The following ANOS1 variants were observed in gnomAD, a reference collection of about 807,000 sequenced individuals.
ANOS1 encodes anosmin 1.
ANOS1 carries 6 observed loss-of-function variants against 59.0 expected under a neutral mutation model. The ratio of observed to expected loss-of-function variants is 0.10; its 90% confidence interval spans 0.06 to 0.20. The LOEUF is 0.20. Ranked by LOEUF, ANOS1 falls within the 10% of genes least tolerant of loss-of-function variation. The probability of loss-of-function intolerance (pLI) is 1.00; values close to 1 mark genes in which losing one functional copy is unlikely to be tolerated. For missense variants in ANOS1, 433 were observed against 542.3 expected, an observed-to-expected ratio of 0.80 and a Z score of 2.00; for synonymous variants, 217 against 223.4, an observed-to-expected ratio of 0.97 and a Z score of 0.25.
chrX:8,691,169 G>A (rs776141114), intron 2 of ANOS1, among the ~76,000 whole-genome samples: 55 of 108,830 alleles, frequency 5.1e-4, no homozygotes, highest in African/African-American at 1.6e-3. Flanking sequence ...CACCTCCTGG[G>A]TTCAAGTGAT....
chrX:8,653,430 G>A (rs186890469), intron 2 of ANOS1, among the ~76,000 whole-genome samples: 94 of 110,886 alleles, frequency 8.5e-4, no homozygotes, highest in Non-Finnish European at 1.4e-3. Flanking sequence ...GTGGATTCTT[G>A]TTATCTACTC....
At chrX:8,644,577 T>C (rs1053338182) in intron 2 of ANOS1, among the ~76,000 whole-genome samples, 4 of 112,221 alleles carry the variant, frequency 3.6e-5, no homozygotes, top group African/African-American at 1.3e-4. Context: ...TTGCATTCTG[T>C]AGAGAATCGC....
intron 12 of ANOS1, 46 bp from the exon 13 acceptor site, chrX:8,534,506 A>C (rs755016642): frequency 1.5e-5 from 18 of 1,167,738 alleles, no homozygotes; most frequent in Non-Finnish European, 2.1e-5. Flanking sequence ...AACCTTTCAG[A>C]GACAACATGC....
At chrX:8,707,952 A>C (rs1932789151) in intron 1 of ANOS1, among the ~76,000 whole-genome samples, 1 of 112,753 alleles carries the variant, frequency 8.9e-6, no homozygotes, top group Non-Finnish European at 1.9e-5. Flanking sequence ...CTGGCCAGGC[A>C]TGGTGGCACA....
At chrX:8,561,310 T>A (rs1407350996) in intron 8 of ANOS1, among the ~76,000 whole-genome samples, 1 of 110,654 alleles carries the variant, frequency 9.0e-6, no homozygotes, top group African/African-American at 3.3e-5. Flanking sequence ...TTTATTTTAA[T>A]TTTTTTTGAG....
chrX:8,730,940 CG>C (rs1460722897), intron 1 of ANOS1, among the ~76,000 whole-genome samples: 1 of 111,994 alleles, frequency 8.9e-6, no homozygotes, highest in Non-Finnish European at 1.9e-5. Flanking sequence ...GCAAGTCCCG[CG>C]GGGGTCCGCG....
intron 1 of ANOS1, among the ~76,000 whole-genome samples, chrX:8,716,501 A>C (rs1932842612): frequency 8.9e-6 from 1 of 112,191 alleles, no homozygotes; most frequent in Admixed American, 9.5e-5. Flanking sequence ...AGTTCACAGC[A>C]TCAGTTTTGA....
chrX:8,629,769 G>A, intron 2 of ANOS1, among the ~76,000 whole-genome samples: 1 of 112,050 alleles, frequency 8.9e-6, no homozygotes, highest in East Asian at 2.8e-4. Context: ...CAGAAGAAAT[G>A]TTCTTACCAA....
intron 2 of ANOS1, among the ~76,000 whole-genome samples, chrX:8,634,616 C>T (rs926046090): frequency 3.6e-5 from 4 of 111,882 alleles, no homozygotes; most frequent in Non-Finnish European, 7.5e-5. Flanking sequence ...AGAGAGCTTG[C>T]AATACCCTGA....
chrX:8,710,268 G>A (rs779710409), intron 1 of ANOS1, among the ~76,000 whole-genome samples: 32 of 111,658 alleles, frequency 2.9e-4, no homozygotes, highest in Non-Finnish European at 4.9e-4. Context: ...TTGAAATTCC[G>A]ATTTTATAGT....
chrX:8,535,464 A>C lies in ANOS1; in HGVS notation c.1842+127T>G, dbSNP rs112917758. 3.0e-3 allele frequency: 1,575 copies of C among 529,166 alleles called. 20 individuals carry two copies. The African/African-American group carries it at 0.031, about 11-fold the overall frequency. The allele number at this position is 529,166 out of a possible 1,213,427, so 43.6% of individuals were successfully genotyped here. Reference sequence around the variant, plus strand: ...TGCTTGCAAAAGATACACTCAGAAGAAGAAAATGCAAAAATAAGACTCAAT... The same window carrying C: ...TGCTTGCAAAAGATACACTCAGAAGCAGAAAATGCAAAAATAAGACTCAAT... On this transcript the variant is annotated intron_variant, in intron 12 of 13. Coordinates refer to ENST00000262648, the MANE Select transcript of ANOS1 (RefSeq NM_000216.4).
intron 9 of ANOS1, among the ~76,000 whole-genome samples, chrX:8,550,352 C>A (rs919624758): frequency 2.3e-4 from 26 of 111,451 alleles, no homozygotes; most frequent in African/African-American, 8.5e-4. Flanking sequence ...AAATTTTAAA[C>A]CTGAATACAG....
intron 1 of ANOS1, among the ~76,000 whole-genome samples, chrX:8,701,099 A>AT (rs373429235): frequency 8.7e-4 from 93 of 107,267 alleles, no homozygotes; most frequent in Admixed American, 2.1e-3. Context: ...GATTTTGGTG[A>AT]TTTTTTTTTT....
At chrX:8,599,690 T>C (rs1000564325) in intron 3 of ANOS1, among the ~76,000 whole-genome samples, 1 of 111,906 alleles carries the variant, frequency 8.9e-6, no homozygotes, top group African/African-American at 3.3e-5. Flanking sequence ...CCTGCCAGCA[T>C]GCTGCTGGCT....
chrX:8,533,184 C>G (rs1351592694), intron 13 of ANOS1, 131 bp from the exon 14 acceptor site: 1 of 489,157 alleles, frequency 2.0e-6, no homozygotes, highest in East Asian at 3.7e-5. Context: ...CTTTCCTATT[C>G]TGAATCTGAA....
At chrX:8,630,338 G>A (rs55925333) in intron 2 of ANOS1, among the ~76,000 whole-genome samples, 1,345 of 110,953 alleles carry the variant, frequency 0.012, 7 homozygotes, top group Middle Eastern at 0.033. Flanking sequence ...GGCTGAGGTG[G>A]GAGAATTGCT....
intron 6 of ANOS1, among the ~76,000 whole-genome samples, chrX:8,579,719 CCAGCATGCAGACCAGATACGCTAGGAA>C (rs1392947636): frequency 3.6e-5 from 4 of 111,039 alleles, no homozygotes; most frequent in Non-Finnish European, 7.5e-5. Context: ...GCAAGCTCCG[CCAGCATGCAGACCAGATACGCTAGGAA>C]CAGCTGCAGA....
At chrX:8,554,219 G>C in intron 8 of ANOS1, 121 bp from the exon 9 acceptor site, 1 of 569,180 alleles carries the variant, frequency 1.8e-6, no homozygotes. Flanking sequence ...CAGAAGGCGG[G>C]TGATTTCTCT....
intron 2 of ANOS1, among the ~76,000 whole-genome samples, chrX:8,624,790 T>C (rs987811504): frequency 3.6e-5 from 4 of 110,318 alleles, no homozygotes; most frequent in Admixed American, 2.0e-4. Flanking sequence ...ATATATTATA[T>C]ATACACACAT....
Sources: allele counts gnomAD v4.1 joint callset (sites outside exome capture counted in the v4.1 genomes callset), GRCh38; gene constraint gnomAD v4.1.1; transcripts MANE v1.5; gene names NCBI Gene and HGNC (gene_info 2026-07-23, HGNC 2026-07-21).